REEP5: variants seen among roughly 807,000 people sequenced by gnomAD.
REEP5 encodes the protein receptor expression-enhancing protein 5.
Under a neutral mutation model 22.4 loss-of-function variants are expected in REEP5, and 24 were observed. The observed-to-expected ratio is 1.07, with a 90% CI of 0.78 to 1.51. The LOEUF (loss-of-function observed/expected upper bound fraction) is 1.51. REEP5 is among the 40% of genes most tolerant of loss of function. The pLI, the probability that REEP5 is intolerant of heterozygous loss-of-function variation, is 0.00. For missense variants in REEP5, 252 were observed against 233.0 expected (o/e 1.08, Z -0.53); for synonymous variants, 103 against 88.6 (o/e 1.16, Z -0.92).
chr5:112,897,747 G>A (rs1768734083), intron 3 of REEP5: 1 of 152,060 alleles, frequency 6.6e-6, no homozygotes, highest in African/African-American at 2.4e-5. Context: ...TATTAACTCT[G>A]CAAAAAATAA....
At chr5:112,891,274 T>C (rs549258384) in intron 3 of REEP5, among the ~76,000 whole-genome samples, 5 of 152,174 alleles carry the variant, frequency 3.3e-5, no homozygotes, top group East Asian at 3.9e-4. Flanking sequence ...GTTTTTGCCA[T>C]GTTGGCCAGG....
At chr5:112,892,962 G>T in intron 3 of REEP5, 1 of 1,595,128 alleles carries the variant, frequency 6.3e-7, no homozygotes, top group Non-Finnish European at 8.6e-7. Context: ...AGGGCCGCCG[G>T]AGCCAGAGCC....
rs1428506176 is a variant in REEP5, at chr5:112,889,082, C to T, written c.352-1899G>A. 2.7e-5 allele frequency among the ~76,000 whole-genome samples: 4 copies of T among 150,874 alleles called. 1 individual carries two copies. The highest frequency in any genetic ancestry group is 9.9e-5 in the African/African-American group (4 of 40,596). On this transcript the variant is annotated intron_variant, in intron 3 of 4. Transcript: ENST00000379638. ...CCCTTTGCTTTTCCTTCATCTTCCA[C>T]CATGATTGTGAGGTCTCCACAACCA... is the stretch of plus-strand genomic sequence containing the variant.
At chr5:112,890,117 G>A (rs1768389303) in intron 3 of REEP5, among the ~76,000 whole-genome samples, 2 of 150,146 alleles carry the variant, frequency 1.3e-5, no homozygotes, top group Admixed American at 1.3e-4. Context: ...GTGAGCCACC[G>A]CACCCGGCCA....
At chr5:112,896,858 G>A (rs1045757281) in intron 3 of REEP5, 1 of 151,910 alleles carries the variant, frequency 6.6e-6, no homozygotes, top group East Asian at 1.9e-4. Context: ...TTGAACCTGG[G>A]AAAGAGGTTA....
intron 3 of REEP5, chr5:112,894,523 A>C (rs1233186773): frequency 6.6e-6 from 1 of 152,244 alleles, no homozygotes; most frequent in Non-Finnish European, 1.5e-5. Flanking sequence ...GATATGCAGG[A>C]AATGTCTTGA....
At chr5:112,882,583 A>G (rs1768114421) in intron 4 of REEP5, among the ~76,000 whole-genome samples, 1 of 152,202 alleles carries the variant, frequency 6.6e-6, no homozygotes, top group Non-Finnish European at 1.5e-5. Flanking sequence ...GCAAATCTCA[A>G]GCATGCCTTT....
In REEP5 at chr5:112,919,558, ACT is replaced by A. The variant is rs571907157; in HGVS notation, c.212+1603_212+1604del. ...TCCAGCCTGGGCAATATAGAGCGAG[ACT>A]CTGTCTCAAAAGAAAAGAAACAGGC... is the stretch of plus-strand genomic sequence containing the variant. On this transcript the variant is annotated intron_variant, in intron 2 of 4. Transcript: ENST00000379638. Among the ~76,000 whole-genome samples the A allele has an allele frequency of 1.4e-4, 22 of 151,978 alleles. No individual in the cohort carries two copies. The South Asian group carries it at 4.4e-3, about 30-fold the overall frequency.
chr5:112,902,060 G>C (rs2150044106), intron 3 of REEP5, among the ~76,000 whole-genome samples: 1 of 151,720 alleles, frequency 6.6e-6, no homozygotes, highest in African/African-American at 2.4e-5. Flanking sequence ...TACCATTTAT[G>C]ATGGTGGTTG....
rs536596245 is a variant in REEP5 at position 112,879,723 on chromosome 5, G to A, written c.521-888C>T. ...AATTTCCTGACCTCGTGATCTGCCC[G>A]CCTTGGCCTCCCAAAGTGCTGGGAT... On this transcript the variant is annotated intron_variant, in intron 4 of 4. Coordinates refer to ENST00000379638, the MANE Select transcript of REEP5 (RefSeq NM_005669.5). Among the ~76,000 whole-genome samples the A allele has an allele frequency of 7.9e-5, 12 of 152,018 alleles. No individual in the cohort carries two copies. In the South Asian group the frequency reaches 1.2e-3, roughly 16 times the overall value.
chr5:112,888,364 T>A (rs767591493), intron 3 of REEP5, among the ~76,000 whole-genome samples: 1 of 152,252 alleles, frequency 6.6e-6, no homozygotes, highest in African/African-American at 2.4e-5. Flanking sequence ...GAGAAATTTA[T>A]ACTAGACTTT....
intron 3 of REEP5, among the ~76,000 whole-genome samples, chr5:112,888,623 T>C (rs1768337478): frequency 6.6e-6 from 1 of 151,296 alleles, no homozygotes; most frequent in African/African-American, 2.4e-5. Context: ...GAGACAAGTG[T>C]CACAATGTTG....
chr5:112,885,810 T>C, intron 4 of REEP5: 1 of 213,570 alleles, frequency 4.7e-6, no homozygotes, highest in Middle Eastern at 7.4e-4. Context: ...GCTAATGCGG[T>C]AGTGAAAATC....
rs141192451 is a variant in REEP5 at position 112,919,109 on chromosome 5, A to G, written c.212+2054T>C. 8.7e-3 allele frequency among the ~76,000 whole-genome samples: 1,325 copies of G among 152,368 alleles called. 22 individuals carry two copies. The highest frequency in any genetic ancestry group is 0.03 in the African/African-American group (1,242 of 41,578). On this transcript the variant is annotated intron_variant, in intron 2 of 4. Transcript: ENST00000379638. ...TAAAAAATAACTCTGGCTAGGGAGC[A>G]TAAGAGTTACAAGAGGTATGGAGAA...
chr5:112,896,811 G>C (rs975341341), intron 3 of REEP5: 1 of 151,294 alleles, frequency 6.6e-6, no homozygotes, highest in African/African-American at 2.4e-5. Context: ...TGCACCTGTA[G>C]TCCCAGCTAC....
chr5:112,904,273 T>G (rs1031891439), intron 2 of REEP5, among the ~76,000 whole-genome samples: 1 of 152,222 alleles, frequency 6.6e-6, no homozygotes, highest in Non-Finnish European at 1.5e-5. Context: ...AAAGGAAAAG[T>G]GTAGACAAGC....
intron 2 of REEP5, among the ~76,000 whole-genome samples, chr5:112,916,771 C>T (rs1010125584): frequency 6.6e-6 from 1 of 152,112 alleles, no homozygotes; most frequent in Non-Finnish European, 1.5e-5. Context: ...GATTTAAATA[C>T]CAGTTTCATC....
At chr5:112,890,574 C>T (rs1408302850) in intron 3 of REEP5, among the ~76,000 whole-genome samples, 2 of 150,082 alleles carry the variant, frequency 1.3e-5, no homozygotes, top group African/African-American at 2.5e-5. Flanking sequence ...GATGGGGTTT[C>T]GCCATGTTGG....
intron 2 of REEP5, among the ~76,000 whole-genome samples, chr5:112,908,864 A>ATTTTTT: frequency 7.0e-6 from 1 of 142,292 alleles, no homozygotes; most frequent in East Asian, 2.1e-4. Flanking sequence ...CCAGCTAATG[A>ATTTTTT]TTTTTTTTTT....
Sources: allele counts gnomAD v4.1 joint callset (sites outside exome capture counted in the v4.1 genomes callset), GRCh38; gene constraint gnomAD v4.1.1; transcripts MANE v1.5; gene names NCBI Gene and HGNC (gene_info 2026-07-23, HGNC 2026-07-21).